SUCO: variants seen among roughly 807,000 people sequenced by gnomAD.
SUCO encodes the protein SUN domain-containing ossification factor.
Under a neutral mutation model 148.1 loss-of-function variants are expected in SUCO, and 57 were observed. The observed-to-expected ratio is 0.38, with a 90% CI of 0.31 to 0.48. The LOEUF is 0.48. SUCO is among the 20% of genes least tolerant of loss of function. The pLI is 0.96. For missense variants in SUCO, 1,331 were observed against 1,468.2 expected (o/e 0.91, Z 1.53); for synonymous variants, 470 against 502.7 (o/e 0.93, Z 0.87).
At chr1:172,597,051 G>A (rs1441078047) in intron 19 of SUCO, among the ~76,000 whole-genome samples, 1 of 152,216 alleles carries the variant, frequency 6.6e-6, no homozygotes, top group African/African-American at 2.4e-5. Context: ...TGTGATAGCA[G>A]TGAGCGAGGC....
At chr1:172,590,363 G>T in intron 18 of SUCO, 2 of 984,974 alleles carry the variant, frequency 2.0e-6, no homozygotes, top group Non-Finnish European at 2.4e-6. Flanking sequence ...GGATGATTGG[G>T]CACATTTGCA....
At position 172,589,217 on chromosome 1, in the gene SUCO, A is replaced by G. The variant is rs761114622; in HGVS notation, c.2116A>G (p.Met706Val). The change falls in exon 18 of 24, where the codon ATG (methionine) becomes GTG (valine). Residue 706 changes from methionine to valine, a missense_variant. Physicochemically the swap from Met to Val is conservative, Grantham distance 21 (BLOSUM62 1). Transcript: ENST00000263688. ...TGTTCTGGGTGATTTAAGTAGTAGTATGCACCAGGATGACTTGGTGAATCA... is the reference window on the plus strand; with the variant it reads ...TGTTCTGGGTGATTTAAGTAGTAGTGTGCACCAGGATGACTTGGTGAATCA... ...TVVLGDLSSS[M>V]HQDDLVNHTV... 4 of 1,613,876 alleles carry G rather than the reference A, an allele frequency of 2.5e-6. No homozygotes were observed. Among genetic ancestry groups the G allele is most frequent in the Non-Finnish European group, 3.4e-6 (4 of 1,179,916 alleles).
At chr1:172,605,400 C>T (rs1465181963) in intron 22 of SUCO, among the ~76,000 whole-genome samples, 1 of 151,758 alleles carries the variant, frequency 6.6e-6, no homozygotes, top group Non-Finnish European at 1.5e-5. Context: ...TTTCCAGCAC[C>T]ATTTGTTGAA....
In SUCO at chr1:172,573,922, G is replaced by A; in HGVS notation, c.1081G>A (p.Val361Ile). ...FVIELCEPIQ[V>I]KQLDIANYEL... The stretch of plus-strand genomic sequence containing the variant: ...TATTGAACTTTGTGAACCAATTCAA[G>A]TAAAACAGCTTGATATTGCAAATTA... The change falls in exon 10 of 24, where the codon GTA (valine) becomes ATA (isoleucine). Residue 361 changes from valine to isoleucine, a missense_variant. Coordinates refer to ENST00000263688, the MANE Select transcript of SUCO (RefSeq NM_014283.5). The A allele has an allele frequency of 6.2e-7, 1 of 1,601,014 alleles. No homozygotes were observed.
intron 1 of SUCO, among the ~76,000 whole-genome samples, chr1:172,544,636 C>T (rs1356622766): frequency 6.6e-6 from 1 of 152,244 alleles, no homozygotes; most frequent in East Asian, 1.9e-4. Flanking sequence ...CAGCATGAGC[C>T]AGAGACATGA....
intron 19 of SUCO, chr1:172,599,372 T>A (rs756108479): frequency 1.5e-6 from 1 of 649,094 alleles, no homozygotes; most frequent in Non-Finnish European, 1.9e-6. Flanking sequence ...GTCTCCCTAA[T>A]ACAGGGTCAT....
At chr1:172,595,807 A>G (rs1657053015) in intron 19 of SUCO, among the ~76,000 whole-genome samples, 1 of 152,034 alleles carries the variant, frequency 6.6e-6, no homozygotes. Flanking sequence ...GTATTTCCTG[A>G]ATTTGAATGT....
chr1:172,548,385 A>T (rs964360825), intron 1 of SUCO, among the ~76,000 whole-genome samples: 1 of 151,684 alleles, frequency 6.6e-6, no homozygotes, highest in Non-Finnish European at 1.5e-5. Flanking sequence ...TGATTTTCTT[A>T]ATTTTCTTTG....
At chr1:172,536,233 C>T (rs574688439) in intron 1 of SUCO, among the ~76,000 whole-genome samples, 4 of 151,610 alleles carry the variant, frequency 2.6e-5, no homozygotes, top group Non-Finnish European at 5.9e-5. Context: ...AAATTTGAAC[C>T]TAGGCAGCAC....
chr1:172,546,985 G>C (rs867178298), intron 1 of SUCO, among the ~76,000 whole-genome samples: 14 of 152,136 alleles, frequency 9.2e-5, no homozygotes, highest in African/African-American at 3.1e-4. Flanking sequence ...GCATACACCT[G>C]TGTAACTCAC....
chr1:172,538,315 T>A (rs906718728), intron 1 of SUCO, among the ~76,000 whole-genome samples: 2 of 152,216 alleles, frequency 1.3e-5, no homozygotes, highest in African/African-American at 4.8e-5. Flanking sequence ...CCAGTTTTTA[T>A]CAGTTTAAGA....
chr1:172,590,172 T>C (rs553477690), intron 18 of SUCO: 1 of 281,376 alleles, frequency 3.6e-6, no homozygotes, highest in African/African-American at 2.3e-5. Context: ...GGCAACAAGT[T>C]TGAATTATCT....
At chr1:172,576,804 AG>A (rs1655477451) in intron 11 of SUCO, 1 of 671,006 alleles carries the variant, frequency 1.5e-6, no homozygotes, top group African/African-American at 2.0e-5. Context: ...TCTAAAGGCA[AG>A]AAACATTTAC....
chr1:172,581,881 C>T (rs1042551653), intron 15 of SUCO, among the ~76,000 whole-genome samples: 1 of 152,154 alleles, frequency 6.6e-6, no homozygotes. Context: ...ATCCACACTG[C>T]ATAAACATTC....
At chr1:172,570,794 A>G in intron 9 of SUCO, 64 bp downstream of exon 9, 1 of 980,274 alleles carries the variant, frequency 1.0e-6, no homozygotes, top group Non-Finnish European at 1.6e-6. Context: ...TTAAGCTTTT[A>G]CATTAGGGTT....
chr1:172,557,197 T>C, intron 4 of SUCO, 83 bp from the exon 5 acceptor site: 1 of 1,479,744 alleles, frequency 6.8e-7, no homozygotes, highest in Non-Finnish European at 9.0e-7. Context: ...CATTATGTTT[T>C]GGAAATCACT....
chr1:172,602,734 G>C lies in SUCO; in HGVS notation c.3212G>C (p.Arg1071Thr). 1.2e-6 allele frequency: 2 copies of C among 1,613,060 alleles called. No individual in the cohort carries two copies. The highest frequency in any genetic ancestry group is 8.5e-7 in the Non-Finnish European group (1 of 1,179,658). The change falls in exon 22 of 24, where the codon AGA becomes ACA. Residue 1071 changes from arginine to threonine, a missense_variant. Arg to Thr is a moderately conservative substitution (Grantham distance 71, BLOSUM62 -1). Coordinates refer to ENST00000263688, the MANE Select transcript of SUCO (RefSeq NM_014283.5). Reference sequence around the variant, plus strand: ...TATGATGATATGAATTTGAAAAGAAGAACTTCATTCCCACTCATGAGATCC... The same window carrying C: ...TATGATGATATGAATTTGAAAAGAACAACTTCATTCCCACTCATGAGATCC... ...SSYDDMNLKR[R>T]TSFPLMRSKS... is the part of the protein sequence containing the mutation.
At chr1:172,599,055 G>A (rs185787199) in intron 19 of SUCO, among the ~76,000 whole-genome samples, 6 of 152,306 alleles carry the variant, frequency 3.9e-5, no homozygotes, top group African/African-American at 1.4e-4. Context: ...GGTCCTAAAA[G>A]AGTTTTAGAT....
At chr1:172,568,785 T>C (rs1158531938) in intron 6 of SUCO, among the ~76,000 whole-genome samples, 1 of 152,172 alleles carries the variant, frequency 6.6e-6, no homozygotes, top group Non-Finnish European at 1.5e-5. Flanking sequence ...CCTATGCTTA[T>C]ATCACTTAAC....
Sources: gnomAD v4.1 joint callset for allele counts (sites outside exome capture counted in the v4.1 genomes callset) on GRCh38, gnomAD v4.1.1 for gene constraint, MANE v1.5 for transcripts, NCBI Gene and HGNC (gene_info 2026-07-23, HGNC 2026-07-21) for gene names.